Variants in CFAP251 observed in about 807,000 individuals in gnomAD.
The protein encoded by CFAP251 is cilia- and flagella-associated protein 251.
A neutral mutation model predicts 126.7 loss-of-function variants in CFAP251; 93 were observed. That is an observed-to-expected ratio of 0.73 (90% CI 0.62 to 0.87). The LOEUF (loss-of-function observed/expected upper bound fraction) is 0.87, where lower values mean the gene tolerates loss of function less well. Among genes scored for constraint, CFAP251 ranks in the 40% least tolerant of loss-of-function variants. The pLI is 0.00. For missense variants in CFAP251, 1,287 were observed against 1,389.2 expected, an observed-to-expected ratio of 0.93 and a Z score of 1.17; for synonymous variants, 503 against 506.9, an observed-to-expected ratio of 0.99 and a Z score of 0.10.
chr12:121,975,200 T>G (rs755671537), intron 17 of CFAP251, 44 bp from the exon 18 acceptor site: 34 of 1,567,614 alleles, frequency 2.2e-5, no homozygotes, highest in Non-Finnish European at 2.8e-5. Context: ...GCCATGCTCA[T>G]GCTTGAGCGC....
At position 121,975,350 on chromosome 12, in the gene CFAP251, G is replaced by A. The variant is rs1253048345; in HGVS notation, c.2862+16G>A. ...ATTCTACAGGGTAATTGTCCCTAGAGTAAACACCTCCTGGTAACATCTAGT... is the reference window on the plus strand; with the variant it reads ...ATTCTACAGGGTAATTGTCCCTAGAATAAACACCTCCTGGTAACATCTAGT... On this transcript the variant is annotated intron_variant, in intron 18 of 21. Transcript: ENST00000288912. 3 of 1,609,710 alleles carry A rather than the reference G, an allele frequency of 1.9e-6. No homozygotes were observed. In the Admixed American group the frequency reaches 5.0e-5, roughly 27 times the overall value.
intron 20 of CFAP251, among the ~76,000 whole-genome samples, chr12:122,000,711 T>C (rs1883129586): frequency 6.6e-6 from 1 of 152,126 alleles, no homozygotes; most frequent in African/African-American, 2.4e-5. Flanking sequence ...GATGACAGTT[T>C]CATCTTAGTC....
intron 19 of CFAP251, among the ~76,000 whole-genome samples, chr12:121,980,365 T>TGA (rs1314830965): frequency 6.6e-6 from 1 of 151,208 alleles, no homozygotes; most frequent in Admixed American, 6.6e-5. Flanking sequence ...CACGGAATTC[T>TGA]GAGCAAGGCA....
chr12:121,948,474 C>A (rs1004290951), intron 7 of CFAP251: 2 of 152,380 alleles, frequency 1.3e-5, no homozygotes, highest in African/African-American at 4.8e-5. Context: ...GTAATCCCAG[C>A]ACTTTGGGAG....
At chr12:121,926,814 A>G (rs1880437723) in intron 3 of CFAP251, among the ~76,000 whole-genome samples, 1 of 152,056 alleles carries the variant, frequency 6.6e-6, no homozygotes, top group African/African-American at 2.4e-5. Context: ...GTGGTGGTGC[A>G]TGCCTGTAAT....
chr12:121,980,346 C>T (rs1882589569), intron 19 of CFAP251, among the ~76,000 whole-genome samples: 1 of 151,910 alleles, frequency 6.6e-6, no homozygotes, highest in South Asian at 2.1e-4. Context: ...GAGCAGGTGG[C>T]GTGGCTTCCA....
intron 12 of CFAP251, among the ~76,000 whole-genome samples, chr12:121,958,729 C>T (rs1314277398): frequency 2.0e-5 from 3 of 151,986 alleles, no homozygotes; most frequent in African/African-American, 4.8e-5. Context: ...GGATGAGGCG[C>T]CTTCTCTCTG....
intron 9 of CFAP251, chr12:121,953,763 T>A (rs564573885): frequency 9.7e-6 from 2 of 205,182 alleles, no homozygotes; most frequent in South Asian, 1.8e-4. Context: ...TTTTATGCTA[T>A]TTTATAACCA....
At chr12:121,922,875 C>T (rs370252340) in intron 2 of CFAP251, among the ~76,000 whole-genome samples, 13 of 152,194 alleles carry the variant, frequency 8.5e-5, no homozygotes, top group East Asian at 7.8e-4. Context: ...CTGCAAGCTC[C>T]GCCTCCTGGG....
chr12:121,931,276 T>A (rs1880673662), intron 3 of CFAP251, among the ~76,000 whole-genome samples: 1 of 150,740 alleles, frequency 6.6e-6, no homozygotes, highest in South Asian at 2.1e-4. Context: ...ATTCACCCTT[T>A]AAATTTTTTT....
intron 3 of CFAP251, among the ~76,000 whole-genome samples, chr12:121,927,441 G>A (rs1267196160): frequency 6.6e-6 from 1 of 151,946 alleles, no homozygotes; most frequent in African/African-American, 2.4e-5. Flanking sequence ...GGGATTATAG[G>A]CACGCACCAC....
intron 17 of CFAP251, chr12:121,971,534 T>A (rs1882328237): frequency 1.4e-6 from 1 of 702,696 alleles, no homozygotes; most frequent in Non-Finnish European, 2.6e-6. Flanking sequence ...GAGTTCCATG[T>A]ATCATCTGAT....
chr12:121,979,855 C>G (rs1204609278), intron 19 of CFAP251, among the ~76,000 whole-genome samples: 1 of 152,122 alleles, frequency 6.6e-6, no homozygotes, highest in Non-Finnish European at 1.5e-5. Flanking sequence ...CGTGAGCCAC[C>G]GTGCCCGGCC....
intron 3 of CFAP251, among the ~76,000 whole-genome samples, chr12:121,927,879 A>G (rs1305158317): frequency 6.6e-6 from 1 of 152,238 alleles, no homozygotes; most frequent in Non-Finnish European, 1.5e-5. Flanking sequence ...ATACAATGAA[A>G]TCTGGTTTTG....
intron 2 of CFAP251, 103 bp from the exon 3 acceptor site, chr12:121,923,519 T>G (rs559368957): frequency 7.1e-7 from 1 of 1,418,276 alleles, no homozygotes; most frequent in African/African-American, 1.4e-5. Context: ...TCATAATTCC[T>G]AGGTGAGGCT....
intron 21 of CFAP251, chr12:122,001,857 T>C (rs1883159928): frequency 2.1e-6 from 1 of 478,828 alleles, no homozygotes; most frequent in Non-Finnish European, 3.8e-6. Flanking sequence ...TCTTGCCGGC[T>C]TGGGTGGGTG....
rs1161902952 is a variant in CFAP251, at chr12:121,920,222, CTTTTT to C, written c.-20-1045_-20-1041del. Among the ~76,000 whole-genome samples the C allele has an allele frequency of 4.0e-3, 230 of 57,946 alleles. 1 individual carries two copies. Among genetic ancestry groups the C allele is most frequent in the African/African-American group, 0.017 (199 of 11,554 alleles). The allele number at this position is 57,946 out of a possible 152,430, so 38.0% of individuals were successfully genotyped here. A position where few individuals can be genotyped will look rare whatever the true frequency, so the allele number is the denominator to read the frequency against. On this transcript the variant is annotated intron_variant, in intron 1 of 21. Transcript: ENST00000288912. ...AAAAAAAGGTTTCCCACAAATGTGA[CTTTTT>C]TTTTTTTTTTTTTTTTTTGAGAGAG...
chr12:121,969,463 G>A, intron 17 of CFAP251: 5 of 985,354 alleles, frequency 5.1e-6, no homozygotes, highest in Non-Finnish European at 6.0e-6. Flanking sequence ...CACACCCTGT[G>A]GGGACAAGCA....
At chr12:121,922,946 C>T (rs1880248566) in intron 2 of CFAP251, among the ~76,000 whole-genome samples, 1 of 152,056 alleles carries the variant, frequency 6.6e-6, no homozygotes, top group African/African-American at 2.4e-5. Context: ...CCCGCCACCA[C>T]GCCCAGCTAA....
Sources: allele counts gnomAD v4.1 joint callset (sites outside exome capture counted in the v4.1 genomes callset), GRCh38; gene constraint gnomAD v4.1.1; transcripts MANE v1.5; gene names NCBI Gene and HGNC (gene_info 2026-07-23, HGNC 2026-07-21).